The following IGSF11 variants were observed in gnomAD, a reference collection of about 807,000 sequenced individuals.
The protein encoded by IGSF11 is CXADR like 1.
A neutral mutation model predicts 41.0 loss-of-function variants in IGSF11; 22 were observed. The ratio of observed to expected loss-of-function variants is 0.54; its 90% CI spans 0.38 to 0.77. The LOEUF is 0.77. IGSF11 is among the 30% of genes least tolerant of loss of function. The probability of loss-of-function intolerance (pLI) is 0.00; values close to 1 mark genes in which losing one functional copy is unlikely to be tolerated. For missense variants in IGSF11, 444 were observed against 530.8 expected (o/e 0.84, Z 1.61); for synonymous variants, 219 against 201.3 (o/e 1.09, Z -0.74).
chr3:119,115,002 A>T (rs2077235961), intron 1 of IGSF11, among the ~76,000 whole-genome samples: 1 of 152,174 alleles, frequency 6.6e-6, no homozygotes, highest in Non-Finnish European at 1.5e-5. Flanking sequence ...GAGGTGCTAC[A>T]CACTTTAAAA....
chr3:119,143,179 G>T (rs918429553), intron 1 of IGSF11, among the ~76,000 whole-genome samples: 2 of 152,122 alleles, frequency 1.3e-5, no homozygotes, highest in African/African-American at 2.4e-5. Flanking sequence ...ATCTATATAG[G>T]TGATTTAATA....
At chr3:119,091,993 T>TG (rs56210576) in intron 1 of IGSF11, among the ~76,000 whole-genome samples, 3,895 of 128,994 alleles carry the variant, frequency 0.03, 140 homozygotes, top group African/African-American at 0.079. Context: ...TTGGTTTTTT[T>TG]GGGGGGGGGG....
chr3:118,959,948 G>C (rs914334283), intron 1 of IGSF11, among the ~76,000 whole-genome samples: 7 of 152,084 alleles, frequency 4.6e-5, no homozygotes, highest in Non-Finnish European at 7.4e-5. Flanking sequence ...GGGAGGCTGA[G>C]GCAGGAGAAT....
intron 1 of IGSF11, chr3:119,105,035 G>T: frequency 3.2e-6 from 2 of 629,962 alleles, no homozygotes; most frequent in Non-Finnish European, 5.6e-6. Flanking sequence ...TTTAGTAGTA[G>T]GAGAATATAC....
chr3:118,932,632 C>A (rs755466439), intron 1 of IGSF11, among the ~76,000 whole-genome samples: 2 of 152,130 alleles, frequency 1.3e-5, no homozygotes, highest in Non-Finnish European at 2.9e-5. Flanking sequence ...GTTACTTGAT[C>A]ATGGAGCAGG....
chr3:119,124,557 A>C (rs1439682124), intron 1 of IGSF11, among the ~76,000 whole-genome samples: 1 of 151,642 alleles, frequency 6.6e-6, no homozygotes, highest in East Asian at 2.0e-4. Flanking sequence ...TGGCAGAATA[A>C]ATCAAGCAGA....
intron 1 of IGSF11, among the ~76,000 whole-genome samples, chr3:119,021,008 T>C (rs1939231607): frequency 6.6e-6 from 1 of 152,146 alleles, no homozygotes; most frequent in Non-Finnish European, 1.5e-5. Flanking sequence ...AACAGTTTGT[T>C]AGAAAATGAA....
intron 1 of IGSF11, among the ~76,000 whole-genome samples, chr3:118,937,647 A>T (rs1943380798): frequency 6.6e-6 from 1 of 152,208 alleles, no homozygotes; most frequent in Non-Finnish European, 1.5e-5. Flanking sequence ...ACATTAATCA[A>T]TTTACAGGAT....
intron 1 of IGSF11, among the ~76,000 whole-genome samples, chr3:119,057,003 C>G (rs1941867750): frequency 6.6e-6 from 1 of 152,128 alleles, no homozygotes; most frequent in South Asian, 2.1e-4. Context: ...ATGACAAACC[C>G]ACAGCCAATA....
At chr3:119,093,527 A>G (rs2076799122) in intron 1 of IGSF11, among the ~76,000 whole-genome samples, 1 of 152,144 alleles carries the variant, frequency 6.6e-6, no homozygotes, top group South Asian at 2.1e-4. Context: ...TTTAATAACC[A>G]CGAGGTATCT....
At chr3:118,966,415 C>T (rs890945437) in intron 1 of IGSF11, among the ~76,000 whole-genome samples, 3 of 152,086 alleles carry the variant, frequency 2.0e-5, no homozygotes, top group Admixed American at 6.6e-5. Flanking sequence ...TTTTTCTACA[C>T]GACAGCACCT....
At chr3:119,131,233 A>G (rs2077477028) in intron 1 of IGSF11, among the ~76,000 whole-genome samples, 1 of 152,186 alleles carries the variant, frequency 6.6e-6, no homozygotes, top group South Asian at 2.1e-4. Context: ...GGTTCAGAAG[A>G]TCAGTAAATA....
chr3:118,990,750 A>G (rs571329820), intron 1 of IGSF11, among the ~76,000 whole-genome samples: 2 of 152,330 alleles, frequency 1.3e-5, no homozygotes, highest in East Asian at 3.9e-4. Flanking sequence ...GTCTCCACCT[A>G]GAAGTTAGTT....
upstream of IGSF11, among the ~76,000 whole-genome samples, chr3:119,035,318 C>T (rs1940843399): frequency 6.6e-6 from 1 of 152,210 alleles, no homozygotes; most frequent in Admixed American, 6.5e-5. Context: ...CTGAAAGAAC[C>T]TGACTCTGGC....
At chr3:119,072,253 GC>G (rs2076412300) in intron 1 of IGSF11, among the ~76,000 whole-genome samples, 1 of 152,144 alleles carries the variant, frequency 6.6e-6, no homozygotes, top group Non-Finnish European at 1.5e-5. Context: ...TAACAAATAA[GC>G]CTTTTTAAAA....
chr3:118,926,677 A>G (rs1559908529), intron 3 of IGSF11, among the ~76,000 whole-genome samples: 1 of 152,240 alleles, frequency 6.6e-6, no homozygotes, highest in African/African-American at 2.4e-5. Flanking sequence ...CACTTTAACA[A>G]GGCCCTTTGT....
chr3:118,975,495 T>C (rs1280020444), intron 1 of IGSF11, among the ~76,000 whole-genome samples: 4 of 152,176 alleles, frequency 2.6e-5, no homozygotes, highest in African/African-American at 9.7e-5. Context: ...AGGGGGTCTT[T>C]AATTTGAGCC....
intron 1 of IGSF11, among the ~76,000 whole-genome samples, chr3:119,068,079 C>T (rs978211275): frequency 4.6e-5 from 7 of 152,166 alleles, no homozygotes; most frequent in African/African-American, 1.7e-4. Context: ...AGTTGAAGTA[C>T]TTAGGTTCTC....
chr3:118,918,381 CCTT>C (rs1158800900), intron 4 of IGSF11, among the ~76,000 whole-genome samples: 1 of 58,050 alleles, frequency 1.7e-5, no homozygotes, highest in Non-Finnish European at 3.1e-5. Context: ...CCCAAAATCT[CCTT>C]AAGCTGATAA....
Sources: gnomAD v4.1 joint callset for allele counts (sites outside exome capture counted in the v4.1 genomes callset) on GRCh38, gnomAD v4.1.1 for gene constraint, MANE v1.5 for transcripts, NCBI Gene and HGNC (gene_info 2026-07-23, HGNC 2026-07-21) for gene names.